CHD9: variants seen among roughly 807,000 people sequenced by gnomAD.
CHD9 encodes the protein chromodomain helicase DNA binding protein 9.
In CHD9, 77 loss-of-function variants were observed where a neutral mutation model predicts 316.1. The observed-to-expected ratio is 0.24, with a 90% CI of 0.20 to 0.29. CHD9 has a LOEUF of 0.29. Among genes scored for constraint, CHD9 ranks in the 10% least tolerant of loss-of-function variants. CHD9 has a pLI of 1.00. For synonymous variants in CHD9, 1,129 were observed against 1,158.3 expected (o/e 0.97, Z 0.51); for missense variants, 2,763 against 3,438.1 (o/e 0.80, Z 4.91).
intron 2 of CHD9, among the ~76,000 whole-genome samples, chr16:53,198,430 G>A (rs1172832361): frequency 1.3e-5 from 2 of 150,816 alleles, no homozygotes; most frequent in Non-Finnish European, 2.9e-5. Flanking sequence ...GGGTTCAAGC[G>A]ATTCCCCTGC....
At chr16:53,276,303 G>A (rs2052813714) in intron 24 of CHD9, among the ~76,000 whole-genome samples, 1 of 152,166 alleles carries the variant, frequency 6.6e-6, no homozygotes, top group South Asian at 2.1e-4. Flanking sequence ...AGAAAATCAA[G>A]CAAGCCATGC....
At chr16:53,225,362 C>T (rs928208584) in intron 4 of CHD9, among the ~76,000 whole-genome samples, 1 of 152,098 alleles carries the variant, frequency 6.6e-6, no homozygotes, top group African/African-American at 2.4e-5. Context: ...TGCCACTACC[C>T]GCATGAAATG....
intron 2 of CHD9, among the ~76,000 whole-genome samples, chr16:53,195,007 A>C (rs1488687164): frequency 6.6e-6 from 1 of 152,236 alleles, no homozygotes; most frequent in East Asian, 1.9e-4. Context: ...TACTCAGATT[A>C]ATGATAAGAT....
intron 2 of CHD9, among the ~76,000 whole-genome samples, chr16:53,207,491 A>G (rs1021180958): frequency 6.6e-6 from 1 of 152,212 alleles, no homozygotes; most frequent in Admixed American, 6.5e-5. Flanking sequence ...CAAAATTTTA[A>G]GCTTCTTTTT....
intron 1 of CHD9, among the ~76,000 whole-genome samples, chr16:53,096,312 A>G (rs1162578471): frequency 6.6e-6 from 1 of 152,158 alleles, no homozygotes; most frequent in Non-Finnish European, 1.5e-5. Flanking sequence ...TTGGGTCGCC[A>G]ATACCCAACA....
At chr16:53,120,347 C>G (rs2038646881) in intron 1 of CHD9, among the ~76,000 whole-genome samples, 1 of 152,184 alleles carries the variant, frequency 6.6e-6, no homozygotes. Flanking sequence ...GGTGTGGTGG[C>G]TCACGCCTGT....
At position 53,243,124 on chromosome 16, in the gene CHD9, C is replaced by T. The variant is rs778120795; in HGVS notation, c.3054+108C>T. On this transcript the variant is annotated intron_variant, in intron 13 of 38. Transcript: ENST00000447540. Reference sequence around the variant, plus strand: ...TTCTTTTTAATTTTAGAGTGTAGTACATCTGAATCTTATCTGTGATAATTG... The same window carrying T: ...TTCTTTTTAATTTTAGAGTGTAGTATATCTGAATCTTATCTGTGATAATTG... 158 of 662,958 alleles carry T rather than the reference C, an allele frequency of 2.4e-4. 1 individual carries two copies. Among genetic ancestry groups the T allele is most frequent in the Non-Finnish European group, 3.5e-4 (146 of 418,368 alleles). The allele number at this position is 662,958 out of a possible 1,614,324, so 41.1% of individuals were successfully genotyped here.
At chr16:53,305,990 T>C (rs558721249) in intron 31 of CHD9, among the ~76,000 whole-genome samples, 1 of 152,266 alleles carries the variant, frequency 6.6e-6, no homozygotes, top group African/African-American at 2.4e-5. Context: ...CTTGAGAAGC[T>C]GAGGCAGGAG....
chr16:53,276,714 C>A (rs2153021931), intron 24 of CHD9, among the ~76,000 whole-genome samples: 1 of 152,148 alleles, frequency 6.6e-6, no homozygotes, highest in Admixed American at 6.5e-5. Flanking sequence ...TCTCTCTTTA[C>A]TACATCATTC....
At chr16:53,069,922 G>GT (rs1287912985) in intron 1 of CHD9, among the ~76,000 whole-genome samples, 1 of 84,780 alleles carries the variant, frequency 1.2e-5, no homozygotes, top group Non-Finnish European at 2.7e-5. Flanking sequence ...GTTTGTGTGT[G>GT]GTTTTTTTTG....
chr16:53,191,690 T>G (rs573836415), intron 2 of CHD9, among the ~76,000 whole-genome samples: 1 of 152,246 alleles, frequency 6.6e-6, no homozygotes, highest in Non-Finnish European at 1.5e-5. Flanking sequence ...CACTTGGAGT[T>G]TTTACTAATT....
In CHD9 at chr16:53,304,617, A is replaced by C; in HGVS notation, c.6611A>C (p.Gln2204Pro). Residue 2204 changes from glutamine (Q) to proline (P), a missense_variant, in exon 31 of 39, where the codon CAA becomes CCA. Transcript: ENST00000447540. ...EESDSDEEEA[Q>P]KRESTTHMKA... is the part of the protein sequence containing the mutation. ...AGTGACAGTGATGAAGAAGAAGCCC[A>C]AAAACGAGGTACTATGCATAAAATA... The C allele has an allele frequency of 6.5e-7, 1 of 1,543,996 alleles. No individual in the cohort carries two copies. The highest frequency in any genetic ancestry group is 8.8e-7 in the Non-Finnish European group (1 of 1,142,456).
At chr16:53,233,701 A>G (rs776639251) in intron 10 of CHD9, among the ~76,000 whole-genome samples, 2 of 151,720 alleles carry the variant, frequency 1.3e-5, no homozygotes, top group Non-Finnish European at 2.9e-5. Flanking sequence ...ACCTGAATCT[A>G]TCAGTCAGGA....
chr16:53,317,378 T>C (rs1453507876), intron 36 of CHD9, among the ~76,000 whole-genome samples: 1 of 152,176 alleles, frequency 6.6e-6, no homozygotes, highest in African/African-American at 2.4e-5. Context: ...TATTTTTAAT[T>C]GGCTGGAAAT....
chr16:53,220,231 T>C (rs2047123980), intron 3 of CHD9, among the ~76,000 whole-genome samples: 1 of 152,344 alleles, frequency 6.6e-6, no homozygotes, highest in East Asian at 1.9e-4. Context: ...TTCTTACTGT[T>C]ATTTACTTTC....
Position 53,204,023 on chromosome 16 carries a change from CAAAA to C in CHD9, c.1453-5436_1453-5433del, listed in dbSNP as rs530552464. On this transcript the variant is annotated intron_variant, in intron 2 of 38. Transcript: ENST00000447540. ...TGGGCGACAGAGCAAGACTCCATCT[CAAAA>C]AAAAAAAAAAAAAAAAAAAAAATAT... Among the ~76,000 whole-genome samples, 435 of 48,276 alleles carry C rather than the reference CAAAA, an allele frequency of 9.0e-3. 1 individual carries two copies. Among genetic ancestry groups the C allele is most frequent in the African/African-American group, 0.03 (351 of 11,616 alleles). 31.7% of individuals were successfully genotyped at this position (48,276 alleles called of 152,430 possible).
rs755904271 is a variant in CHD9 at position 53,209,698 on chromosome 16, G to A, written c.1669G>A (p.Ala557Thr). 22 of 1,613,584 alleles carry A rather than the reference G, an allele frequency of 1.4e-5. No individual in the cohort carries two copies. The highest frequency in any genetic ancestry group is 1.2e-4 in the Admixed American group (7 of 59,984). The stretch of plus-strand genomic sequence containing the variant: ...AATGAGCCCTGAAAACTTTCCTACT[G>A]CTTCAGTTGAAGGAAAAGAGGAAAA... ...RVMSPENFPT[A>T]SVEGKEEKKG... Residue 557 changes from alanine to threonine, a missense_variant, in exon 3 of 39, where the codon GCT becomes ACT. This residue lies in a region of CHD9 where 859 missense variants were observed against 890.4 expected (regional missense o/e 0.96). Transcript: ENST00000447540.
chr16:53,112,238 G>A (rs1229134819), intron 1 of CHD9, among the ~76,000 whole-genome samples: 2 of 152,192 alleles, frequency 1.3e-5, no homozygotes, highest in African/African-American at 4.8e-5. Flanking sequence ...ACTCACAACT[G>A]TTCAAGTTTG....
At chr16:53,231,595 A>C in intron 9 of CHD9, 52 bp from the exon 10 acceptor site, 12 of 1,419,666 alleles carry the variant, frequency 8.5e-6, no homozygotes, top group Non-Finnish European at 1.2e-5. Context: ...TGTTTAAACT[A>C]TTTCTTACTA....
Sources: gnomAD v4.1 joint callset for allele counts (sites outside exome capture counted in the v4.1 genomes callset) on GRCh38, gnomAD v4.1.1 for gene constraint, gnomAD v4.1.1 regional missense constraint, MANE v1.5 for transcripts, NCBI Gene and HGNC (gene_info 2026-07-23, HGNC 2026-07-21) for gene names.